Variants in NFIA observed in about 807,000 individuals in gnomAD.
The protein encoded by NFIA is nuclear factor 1 A-type.
A neutral mutation model predicts 62.8 loss-of-function variants in NFIA; 8 were observed. That is an observed-to-expected ratio of 0.13 (90% CI 0.07 to 0.23). The LOEUF is 0.23. Among genes scored for constraint, NFIA ranks in the 10% least tolerant of loss-of-function variants. The pLI is 1.00. For synonymous variants in NFIA, 235 were observed against 238.1 expected (o/e 0.99, Z 0.12); for missense variants, 410 against 642.1 (o/e 0.64, Z 3.91).
At chr1:61,191,824 A>T (rs913927963) in intron 2 of NFIA, among the ~76,000 whole-genome samples, 10 of 148,080 alleles carry the variant, frequency 6.8e-5, no homozygotes, top group Admixed American at 1.3e-4. Context: ...TTTCTTCTAG[A>T]TGCTAAGTAA....
chr1:61,302,431 G>A (rs1242529661), intron 3 of NFIA, among the ~76,000 whole-genome samples: 1 of 152,216 alleles, frequency 6.6e-6, no homozygotes, highest in African/African-American at 2.4e-5. Flanking sequence ...CAGTGACTAA[G>A]TGGGAATATG....
intron 2 of NFIA, among the ~76,000 whole-genome samples, chr1:61,118,168 G>C (rs1385057664): frequency 1.4e-5 from 2 of 142,612 alleles, no homozygotes; most frequent in Admixed American, 1.5e-4. Context: ...CTGGGCAACA[G>C]AGTGAGACTC....
chr1:61,455,526 TA>T lies in NFIA; in HGVS notation c.*210del, dbSNP rs1553123822. On this transcript the variant is annotated 3_prime_UTR_variant, in exon 11 of 11. Coordinates refer to ENST00000403491, the MANE Select transcript of NFIA (RefSeq NM_001134673.4). Reference sequence around the variant, plus strand: ...TAACCTTTTGGGATTTTTTTTTTTTTAAAATACTTTAGGGACTGTTGTAATT... The same window carrying T: ...TAACCTTTTGGGATTTTTTTTTTTTTAAATACTTTAGGGACTGTTGTAATT... The T allele has an allele frequency of 1.9e-3, 1,333 of 693,160 alleles. No individual in the cohort carries two copies. The highest frequency in any genetic ancestry group is 6.5e-3 in the South Asian group (291 of 44,676). The allele number at this position is 693,160 out of a possible 1,614,324, so 42.9% of individuals were successfully genotyped here.
At chr1:61,432,340 A>T (rs1667133599) in intron 10 of NFIA, among the ~76,000 whole-genome samples, 1 of 151,738 alleles carries the variant, frequency 6.6e-6, no homozygotes, top group Non-Finnish European at 1.5e-5. Context: ...CTGCTGCACA[A>T]GGCTCAGCCA....
In NFIA at chr1:61,082,584, G is replaced by T; in HGVS notation, c.-208G>T. 3.4e-6 allele frequency: 5 copies of T among 1,480,318 alleles called. No individual in the cohort carries two copies. The highest frequency in any genetic ancestry group is 3.6e-6 in the Non-Finnish European group (4 of 1,111,626). The allele number at this position is 1,480,318 out of a possible 1,614,324, so 91.7% of individuals were successfully genotyped here. A position where few individuals can be genotyped will look rare whatever the true frequency, so the allele number is the denominator to read the frequency against. On this transcript the variant is annotated 5_prime_UTR_variant, in exon 1 of 11. Transcript: ENST00000403491. ...GCGGGGTTAAAGTTCAGCTCATGGA[G>T]CGGCAATAGCGCTGGCTGGCTGGCT... is the stretch of plus-strand genomic sequence containing the variant.
chr1:61,425,712 A>G lies in NFIA; in HGVS notation c.1421-753A>G, dbSNP rs1482991801. Among the ~76,000 whole-genome samples the G allele has an allele frequency of 2.6e-5, 4 of 152,252 alleles. No homozygotes were observed. The East Asian group carries it at 5.8e-4, about 22-fold the overall frequency. ...GAAAGAAGCTCTTAAGTACAGATAC[A>G]AAAACCAACAACAAAACTTCCATGA... On this transcript the variant is annotated intron_variant, in intron 9 of 10. Coordinates refer to ENST00000403491, the MANE Select transcript of NFIA (RefSeq NM_001134673.4).
intron 10 of NFIA, among the ~76,000 whole-genome samples, chr1:61,444,757 T>G (rs1667732210): frequency 6.6e-6 from 1 of 152,184 alleles, no homozygotes; most frequent in Non-Finnish European, 1.5e-5. Context: ...AGTGTATATG[T>G]ATATATATCA....
chr1:61,294,667 T>C (rs1424961658), intron 3 of NFIA, among the ~76,000 whole-genome samples: 1 of 152,262 alleles, frequency 6.6e-6, no homozygotes, highest in African/African-American at 2.4e-5. Context: ...TTTTCTTTTT[T>C]ACTCACTGTT....
At chr1:61,448,490 C>T (rs1250156897) in intron 10 of NFIA, among the ~76,000 whole-genome samples, 2 of 152,172 alleles carry the variant, frequency 1.3e-5, no homozygotes, top group East Asian at 1.9e-4. Context: ...GTGAGAGAAC[C>T]CAGCTACCCC....
chr1:61,093,814 T>C (rs765524147), intron 2 of NFIA, among the ~76,000 whole-genome samples: 16 of 152,238 alleles, frequency 1.1e-4, no homozygotes, highest in Non-Finnish European at 1.8e-4. Flanking sequence ...TGCTTCTGGC[T>C]TGGATTTTCC....
At chr1:61,143,866 T>C (rs1283989561) in intron 2 of NFIA, among the ~76,000 whole-genome samples, 1 of 152,182 alleles carries the variant, frequency 6.6e-6, no homozygotes, top group Non-Finnish European at 1.5e-5. Context: ...TACCCATACG[T>C]TGACATAAGG....
chr1:61,184,109 G>C (rs969125691), intron 2 of NFIA, among the ~76,000 whole-genome samples: 5 of 144,876 alleles, frequency 3.5e-5, no homozygotes, highest in African/African-American at 1.3e-4. Flanking sequence ...AGGTTTATGG[G>C]GGGGGGAAAA....
intron 2 of NFIA, among the ~76,000 whole-genome samples, chr1:61,195,994 A>G (rs1651963697): frequency 6.6e-6 from 1 of 152,210 alleles, no homozygotes. Context: ...ATTTCTCTAC[A>G]GATGAATTCA....
intron 10 of NFIA, among the ~76,000 whole-genome samples, chr1:61,442,030 G>C (rs575023510): frequency 6.6e-6 from 1 of 151,928 alleles, no homozygotes; most frequent in Non-Finnish European, 1.5e-5. Flanking sequence ...TATGGAATTC[G>C]CTAATGCTCC....
At chr1:61,340,206 A>C (rs1303047980) in intron 4 of NFIA, among the ~76,000 whole-genome samples, 1 of 152,180 alleles carries the variant, frequency 6.6e-6, no homozygotes, top group Non-Finnish European at 1.5e-5. Flanking sequence ...GAAACACAAC[A>C]TACCCCTTGA....
intron 2 of NFIA, among the ~76,000 whole-genome samples, chr1:61,245,095 A>G (rs1280030397): frequency 6.6e-6 from 1 of 152,220 alleles, no homozygotes; most frequent in Non-Finnish European, 1.5e-5. Context: ...TCTTCAAAAT[A>G]TAAGCAGAAA....
intron 2 of NFIA, among the ~76,000 whole-genome samples, chr1:61,095,643 A>G (rs1465581323): frequency 6.6e-6 from 1 of 152,230 alleles, no homozygotes; most frequent in Non-Finnish European, 1.5e-5. Context: ...TAAAGAGAGA[A>G]ATGATGTTAC....
At chr1:61,318,335 T>C (rs1458847638) in intron 3 of NFIA, among the ~76,000 whole-genome samples, 2 of 152,160 alleles carry the variant, frequency 1.3e-5, no homozygotes, top group Admixed American at 6.6e-5. Context: ...GACCCCGGCA[T>C]GTTGGAATCC....
intron 2 of NFIA, among the ~76,000 whole-genome samples, chr1:61,253,022 G>A (rs1656147152): frequency 6.6e-6 from 1 of 152,172 alleles, no homozygotes; most frequent in African/African-American, 2.4e-5. Flanking sequence ...ATTACGTGAA[G>A]GTTGATATTC....
Sources: gnomAD v4.1 joint callset for allele counts (sites outside exome capture counted in the v4.1 genomes callset) on GRCh38, gnomAD v4.1.1 for gene constraint, MANE v1.5 for transcripts, NCBI Gene and HGNC (gene_info 2026-07-23, HGNC 2026-07-21) for gene names.